The following DNAH12 variants were observed in gnomAD, a reference collection of about 807,000 sequenced individuals.
DNAH12 encodes the protein dynein axonemal heavy chain 12.
In DNAH12, 285 loss-of-function variants were observed where a neutral mutation model predicts 371.5. That is an observed-to-expected ratio of 0.77 (90% confidence interval 0.70 to 0.85). The LOEUF (loss-of-function observed/expected upper bound fraction) is 0.85. Ranked by LOEUF, DNAH12 falls within the 40% of genes least tolerant of loss-of-function variation. The pLI, the probability that DNAH12 is intolerant of heterozygous loss-of-function variation, is 0.00. For synonymous variants in DNAH12, 1,200 were observed against 1,213.0 expected, an observed-to-expected ratio of 0.99 and a Z score of 0.22; for missense variants, 3,611 against 3,689.4, an observed-to-expected ratio of 0.98 and a Z score of 0.55.
intron 30 of DNAH12, among the ~76,000 whole-genome samples, chr3:57,436,329 C>T (rs866112568): frequency 1.6e-4 from 24 of 152,056 alleles, no homozygotes; most frequent in African/African-American, 5.1e-4. Context: ...TTAGATGAGG[C>T]CCTTCAAGTG....
chr3:57,549,882 C>T, the DNAH12 span, among the ~76,000 whole-genome samples: 1 of 152,004 alleles, frequency 6.6e-6, no homozygotes, highest in African/African-American at 2.4e-5. Context: ...CCTTGGCCTC[C>T]CAAAGTGCTG....
At chr3:57,302,559 A>AGTT (rs2061377556) in intron 69 of DNAH12, among the ~76,000 whole-genome samples, 1 of 61,376 alleles carries the variant, frequency 1.6e-5, no homozygotes, top group Non-Finnish European at 3.1e-5. Flanking sequence ...ATATATATAT[A>AGTT]TATATGTATT....
intron 45 of DNAH12, among the ~76,000 whole-genome samples, chr3:57,390,422 A>ATATATATATATAT (rs1553674566): frequency 2.7e-4 from 8 of 29,914 alleles, no homozygotes; most frequent in African/African-American, 5.1e-4. Flanking sequence ...AAAAAAAAAA[A>ATATATATATATAT]AAATATATAT....
chr3:57,335,549 G>A (rs2062202816), intron 60 of DNAH12, among the ~76,000 whole-genome samples: 1 of 152,206 alleles, frequency 6.6e-6, no homozygotes, highest in South Asian at 2.1e-4. Flanking sequence ...ATATGGTATA[G>A]CCTGTTGCTC....
chr3:57,500,112 C>T (rs2067484958), intron 11 of DNAH12, among the ~76,000 whole-genome samples: 1 of 151,226 alleles, frequency 6.6e-6, no homozygotes, highest in Non-Finnish European at 1.5e-5. Flanking sequence ...ATGAGCTCCG[C>T]TCACTGCAAC....
chr3:57,423,565 A>G (rs2064661782), intron 35 of DNAH12, among the ~76,000 whole-genome samples: 1 of 152,178 alleles, frequency 6.6e-6, no homozygotes, highest in African/African-American at 2.4e-5. Context: ...AGGAAAAACA[A>G]TGGGAGGGAA....
intron 60 of DNAH12, among the ~76,000 whole-genome samples, chr3:57,338,835 T>A (rs1553655027): frequency 6.6e-6 from 1 of 152,148 alleles, no homozygotes; most frequent in East Asian, 1.9e-4. Context: ...ATCTTCCAAG[T>A]GTGAAGTGAC....
chr3:57,535,282 G>T (rs958981604), intron 2 of DNAH12, among the ~76,000 whole-genome samples: 2 of 152,180 alleles, frequency 1.3e-5, no homozygotes, highest in African/African-American at 4.8e-5. Context: ...CCTCATGAAT[G>T]AATTAATGGG....
At chr3:57,528,106 G>A (rs1314975449) in intron 2 of DNAH12, among the ~76,000 whole-genome samples, 3 of 151,920 alleles carry the variant, frequency 2.0e-5, no homozygotes, top group Admixed American at 6.6e-5. Context: ...TCGGCTCACC[G>A]CAACCTCCGC....
rs913056949 is a variant in DNAH12, at chr3:57,474,607, T to A, written c.1651-1936A>T. 1.3e-3 allele frequency among the ~76,000 whole-genome samples: 205 copies of A among 152,282 alleles called. 1 individual carries two copies. Among genetic ancestry groups the A allele is most frequent in the African/African-American group, 4.7e-3 (194 of 41,554 alleles). On this transcript the variant is annotated intron_variant, in intron 13 of 73. Transcript: ENST00000495027. ...CACTGTGCAGGGCCTAAAGTTCAAATTTTTAAATAGAAAATTTTAAAAGAA... is the reference window on the plus strand; with the variant it reads ...CACTGTGCAGGGCCTAAAGTTCAAAATTTTAAATAGAAAATTTTAAAAGAA...
In DNAH12 at chr3:57,433,678, T is replaced by C. The variant is rs897345378; in HGVS notation, c.4806A>G (p.Gln1602=). 4 of 1,550,566 alleles carry C rather than the reference T, an allele frequency of 2.6e-6. No homozygotes were observed. Among genetic ancestry groups the C allele is most frequent in the Non-Finnish European group, 3.5e-6 (4 of 1,146,786 alleles). Residue 1602 remains glutamine (Q), a synonymous_variant, in exon 31 of 74, where the codon CAA becomes CAG. Transcript: ENST00000495027. ...ACACTGGGTCAAACTGTCCAAAAAG[T>C]TGGCCCATAGTAATAGATTTGGGGT... ...TVNPKSITMG[Q]LFGQFDPVSH...
chr3:57,382,704 C>T (rs1463815602), intron 49 of DNAH12, among the ~76,000 whole-genome samples: 3 of 151,914 alleles, frequency 2.0e-5, no homozygotes, highest in Non-Finnish European at 4.4e-5. Flanking sequence ...CACACCCATA[C>T]GTGGAACCTA....
At chr3:57,481,871 T>G (rs1404523015) in intron 13 of DNAH12, among the ~76,000 whole-genome samples, 4 of 152,100 alleles carry the variant, frequency 2.6e-5, no homozygotes, top group Non-Finnish European at 1.5e-5. Context: ...TAGCCATATG[T>G]AGCAAGCTGA....
intron 2 of DNAH12, among the ~76,000 whole-genome samples, chr3:57,540,364 C>T (rs1256652443): frequency 6.6e-6 from 1 of 152,058 alleles, no homozygotes; most frequent in Non-Finnish European, 1.5e-5. Flanking sequence ...TCTATGGTCT[C>T]CTCAGTAACA....
intron 2 of DNAH12, among the ~76,000 whole-genome samples, chr3:57,541,653 CT>C (rs959262323): frequency 4.6e-4 from 67 of 145,154 alleles, no homozygotes; most frequent in Middle Eastern, 3.6e-3. Context: ...GGCATGTAAT[CT>C]TTTTTTTTTT....
Position 57,425,120 on chromosome 3 carries a change from T to G in DNAH12, c.5275A>C (p.Ser1759Arg). The G allele has an allele frequency of 1.4e-6, 1 of 702,582 alleles. No individual in the cohort carries two copies. The highest frequency in any genetic ancestry group is 2.7e-5 in the East Asian group (1 of 37,272). 43.5% of individuals were successfully genotyped at this position (702,582 alleles called of 1,614,324 possible). A position where few individuals can be genotyped will look rare whatever the true frequency, so the allele number is the denominator to read the frequency against. ...CGTGTGAGAGATACAACCACGTTGC[T>G]GTTGCTTGTAGGAATCAGTTCCTGC... ...KCKELIPTSN[S>R]NVVVSLTRLF... Residue 1759 changes from serine (S) to arginine (R), a missense_variant, in exon 35 of 74, where the codon AGC (serine) becomes CGC (arginine). Ser to Arg is a moderately radical substitution (Grantham distance 110). Around this residue, in one of 3 missense-constraint regions of DNAH12, gnomAD observed 2,266 missense variants for 2,236.9 expected, o/e 1.01. Transcript: ENST00000495027.
chr3:57,383,844 C>T (rs2063448439), intron 49 of DNAH12, among the ~76,000 whole-genome samples: 1 of 151,656 alleles, frequency 6.6e-6, no homozygotes, highest in Non-Finnish European at 1.5e-5. Context: ...GTTTTAAATT[C>T]CTGATTCACA....
intron 45 of DNAH12, among the ~76,000 whole-genome samples, chr3:57,389,822 G>GTGTATATATATATATATATATA (rs1326306277): frequency 6.5e-5 from 3 of 45,858 alleles, no homozygotes; most frequent in Non-Finnish European, 2.1e-4. Flanking sequence ...GTGTGTGTGT[G>GTGTATATATATATATATATATA]TATATATATA....
chr3:57,397,191 C>T (rs2063759641), intron 43 of DNAH12, among the ~76,000 whole-genome samples: 1 of 147,466 alleles, frequency 6.8e-6, no homozygotes, highest in South Asian at 2.1e-4. Context: ...AGCTCTAGAC[C>T]CTTGTTCTCC....
Sources: allele counts gnomAD v4.1 joint callset (sites outside exome capture counted in the v4.1 genomes callset), GRCh38; gene constraint gnomAD v4.1.1; regional missense constraint gnomAD v4.1.1; transcripts MANE v1.5; gene names NCBI Gene and HGNC (gene_info 2026-07-23, HGNC 2026-07-21).